Variants in PPP3R1 observed in about 807,000 individuals in gnomAD.
The protein encoded by PPP3R1 is calcineurin subunit B type 1.
Under a neutral mutation model 22.6 loss-of-function variants are expected in PPP3R1, and 5 were observed. That is an observed-to-expected ratio of 0.22 (90% confidence interval 0.12 to 0.46). PPP3R1 has a LOEUF of 0.46. PPP3R1 is among the 20% of genes least tolerant of loss of function. PPP3R1 has a pLI of 0.99. For synonymous variants in PPP3R1, 56 were observed against 65.2 expected (o/e 0.86, Z 0.68); for missense variants, 61 against 203.2 (o/e 0.30, Z 4.25).
chr2:68,246,733 T>C (rs1670243971), intron 1 of PPP3R1, among the ~76,000 whole-genome samples: 1 of 152,174 alleles, frequency 6.6e-6, no homozygotes, highest in Non-Finnish European at 1.5e-5. Context: ...ACCTGCCTTT[T>C]TACATGCACC....
At chr2:68,246,974 C>G (rs1339783852) in intron 1 of PPP3R1, among the ~76,000 whole-genome samples, 1 of 152,078 alleles carries the variant, frequency 6.6e-6, no homozygotes. Flanking sequence ...CTCCCGCCCC[C>G]CAAAACAGTC....
chr2:68,248,097 C>T lies in PPP3R1; in HGVS notation c.3+4028G>A, dbSNP rs538627119. Among the ~76,000 whole-genome samples the T allele has an allele frequency of 9.2e-5, 14 of 152,288 alleles. No homozygotes were observed. The South Asian group carries it at 2.9e-3, about 32-fold the overall frequency. On this transcript the variant is annotated intron_variant, in intron 1 of 5. Coordinates refer to ENST00000234310, the MANE Select transcript of PPP3R1 (RefSeq NM_000945.4). The stretch of plus-strand genomic sequence containing the variant: ...CAATCCACCAGACACTACCCCCTTC[C>T]TCTCCAGCCACGCTAAACTAACACT...
At chr2:68,198,254 T>C (rs1037896909) in intron 2 of PPP3R1, among the ~76,000 whole-genome samples, 8 of 146,664 alleles carry the variant, frequency 5.5e-5, no homozygotes, top group East Asian at 2.0e-4. Context: ...TGTACATACA[T>C]ATGTATACAT....
chr2:68,203,423 G>A (rs1675028874), intron 2 of PPP3R1, among the ~76,000 whole-genome samples: 1 of 152,160 alleles, frequency 6.6e-6, no homozygotes, highest in South Asian at 2.1e-4. Context: ...CCAACATGGT[G>A]AAACCTTGTC....
chr2:68,238,622 A>G (rs1202351027), intron 1 of PPP3R1, among the ~76,000 whole-genome samples: 1 of 152,182 alleles, frequency 6.6e-6, no homozygotes, highest in Non-Finnish European at 1.5e-5. Context: ...TCCTCATCCA[A>G]AGAAAAACTC....
chr2:68,249,378 A>G (rs1670294881), intron 1 of PPP3R1, among the ~76,000 whole-genome samples: 1 of 152,206 alleles, frequency 6.6e-6, no homozygotes, highest in Non-Finnish European at 1.5e-5. Flanking sequence ...ATACAGTTAT[A>G]GACGGCAATA....
chr2:68,192,362 T>C (rs141056469), intron 2 of PPP3R1, among the ~76,000 whole-genome samples: 155 of 152,262 alleles, frequency 1.0e-3, no homozygotes, highest in African/African-American at 3.7e-3. Context: ...AAAGATAATG[T>C]CTCCACAAAC....
intron 1 of PPP3R1, among the ~76,000 whole-genome samples, chr2:68,222,855 G>T (rs1409449977): frequency 1.3e-5 from 2 of 151,742 alleles, no homozygotes; most frequent in African/African-American, 4.8e-5. Context: ...AGACAAATAG[G>T]TACAAAGAAA....
chr2:68,250,015 T>C (rs1670313225), intron 1 of PPP3R1, among the ~76,000 whole-genome samples: 1 of 152,164 alleles, frequency 6.6e-6, no homozygotes, highest in African/African-American at 2.4e-5. Flanking sequence ...ACATCCCATA[T>C]GGCAAAGTTG....
At chr2:68,225,310 T>C (rs1346542072) in intron 1 of PPP3R1, among the ~76,000 whole-genome samples, 1 of 151,926 alleles carries the variant, frequency 6.6e-6, no homozygotes, top group African/African-American at 2.4e-5. Flanking sequence ...AAGGTGAAAA[T>C]GAAAGAGTCA....
chr2:68,215,718 A>C (rs1669566220), intron 2 of PPP3R1, among the ~76,000 whole-genome samples: 1 of 152,182 alleles, frequency 6.6e-6, no homozygotes, highest in African/African-American at 2.4e-5. Flanking sequence ...ACACCAACAA[A>C]CATACTACAA....
intron 1 of PPP3R1, among the ~76,000 whole-genome samples, chr2:68,245,696 T>C (rs893329145): frequency 1.3e-5 from 2 of 152,220 alleles, no homozygotes; most frequent in Admixed American, 6.5e-5. Context: ...AAAGCAGTAT[T>C]CCTTTGTGGA....
chr2:68,228,056 CTT>C (rs1401457540), intron 1 of PPP3R1, among the ~76,000 whole-genome samples: 2 of 152,106 alleles, frequency 1.3e-5, no homozygotes, highest in Admixed American at 1.3e-4. Context: ...AAAGTACTGT[CTT>C]TTGCCATTAA....
intron 2 of PPP3R1, among the ~76,000 whole-genome samples, chr2:68,191,373 T>A (rs1274497683): frequency 2.6e-5 from 4 of 152,182 alleles, no homozygotes; most frequent in African/African-American, 9.7e-5. Flanking sequence ...TATCTGAACA[T>A]ATCTAAACAT....
At chr2:68,235,691 C>T (rs1670006936) in intron 1 of PPP3R1, among the ~76,000 whole-genome samples, 1 of 152,132 alleles carries the variant, frequency 6.6e-6, no homozygotes, top group African/African-American at 2.4e-5. Flanking sequence ...CTTCATTTCA[C>T]ATGTTTCATT....
Position 68,252,327 on chromosome 2 carries a change from G to T in PPP3R1, c.-200C>A, listed in dbSNP as rs1558648147. 17 of 1,018,084 alleles carry T rather than the reference G, an allele frequency of 1.7e-5. No homozygotes were observed. The highest frequency in any genetic ancestry group is 1.8e-5 in the Non-Finnish European group (15 of 852,568). The allele number at this position is 1,018,084 out of a possible 1,614,324, so 63.1% of individuals were successfully genotyped here. A position where few individuals can be genotyped will look rare whatever the true frequency, so the allele number is the denominator to read the frequency against. The stretch of plus-strand genomic sequence containing the variant: ...TTGGGCACGCGAGGGAGCGGGCAGG[G>T]TAGGGGGAAATAAATTAAGGTCGAG... On this transcript the variant is annotated 5_prime_UTR_variant, in exon 1 of 6. Transcript: ENST00000234310.
At chr2:68,232,223 ATGTGTGT>A (rs1669926977) in intron 1 of PPP3R1, among the ~76,000 whole-genome samples, 2 of 45,762 alleles carry the variant, frequency 4.4e-5, no homozygotes, top group African/African-American at 2.7e-4. Flanking sequence ...ATATGTATAT[ATGTGTGT>A]GTGTGTGTGT....
At chr2:68,189,622 C>G (rs556084665) in intron 2 of PPP3R1, among the ~76,000 whole-genome samples, 8 of 152,298 alleles carry the variant, frequency 5.3e-5, no homozygotes, top group Admixed American at 2.0e-4. Flanking sequence ...AATCCCAGCA[C>G]TTTGGGAGGC....
chr2:68,198,411 A>G (rs1216346351), intron 2 of PPP3R1, among the ~76,000 whole-genome samples: 1 of 147,222 alleles, frequency 6.8e-6, no homozygotes, highest in South Asian at 2.1e-4. Flanking sequence ...ATGTGTATGT[A>G]TATGCATATA....
Sources: gnomAD v4.1 joint callset for allele counts (sites outside exome capture counted in the v4.1 genomes callset) on GRCh38, gnomAD v4.1.1 for gene constraint, MANE v1.5 for transcripts, NCBI Gene and HGNC (gene_info 2026-07-23, HGNC 2026-07-21) for gene names.